The following OCIAD2 variants were observed in gnomAD, a reference collection of about 807,000 sequenced individuals.
The protein encoded by OCIAD2 is OCIA domain containing 2.
Under a neutral mutation model 22.9 loss-of-function variants are expected in OCIAD2, and 29 were observed. That is an observed-to-expected ratio of 1.27 (90% CI 0.94 to 1.73). The LOEUF (loss-of-function observed/expected upper bound fraction) is 1.73, where lower values mean the gene tolerates loss of function less well. Ranked by LOEUF, OCIAD2 falls within the 40% of genes most tolerant of loss-of-function variation. The pLI, the probability that OCIAD2 is intolerant of heterozygous loss-of-function variation, is 0.00. For synonymous variants in OCIAD2, 67 were observed against 60.2 expected, an observed-to-expected ratio of 1.11 and a Z score of -0.52; for missense variants, 189 against 180.3, an observed-to-expected ratio of 1.05 and a Z score of -0.28.
chr4:48,892,670 T>A (rs553067582), intron 6 of OCIAD2, 102 bp downstream of exon 6: 7 of 592,066 alleles, frequency 1.2e-5, no homozygotes, highest in African/African-American at 1.2e-4. Context: ...TTTTTTTACA[T>A]GTGAATTTAA....
At chr4:48,904,179 T>C (rs1278779525) in intron 2 of OCIAD2, among the ~76,000 whole-genome samples, 1 of 151,722 alleles carries the variant, frequency 6.6e-6, no homozygotes, top group East Asian at 2.0e-4. Context: ...TGACCAGGCA[T>C]GGTGGCTCAC....
Position 48,885,528 on chromosome 4 carries a change from GC to G in OCIAD2, c.420del (p.Lys140AsnfsTer4), listed in dbSNP as rs1282868340. 6.2e-7 allele frequency: 1 copy of G among 1,610,958 alleles called. No homozygotes were observed. The highest frequency in any genetic ancestry group is 8.5e-7 in the Non-Finnish European group (1 of 1,177,094). ...CLLTCEECKI[K>X]HGLSEKGDSQ... ...GAGTCTCCCTTCTCACTTAATCCAT[GC>G]TTTATTTTGCATTCCTCACAGGTAA... On this transcript the variant is annotated frameshift_variant, in exon 7 of 7. Transcript: ENST00000508632. LOFTEE classifies it high-confidence loss of function.
rs1780947706 is a variant in OCIAD2 at position 48,885,250 on chromosome 4, A to G, written c.*234T>C. 4.8e-6 allele frequency: 2 copies of G among 419,736 alleles called. No homozygotes were observed. The highest frequency in any genetic ancestry group is 8.5e-6 in the Non-Finnish European group (2 of 234,560). 26.0% of individuals were successfully genotyped at this position (419,736 alleles called of 1,614,324 possible). On this transcript the variant is annotated 3_prime_UTR_variant, in exon 7 of 7. Transcript: ENST00000508632. ...ATGATCTGCCTGCCTCGGCCTCCCA[A>G]AGTACTGGGATTACAGGCATGAGCC...
At chr4:48,899,234 A>T (rs1781365293) in intron 3 of OCIAD2, among the ~76,000 whole-genome samples, 1 of 152,118 alleles carries the variant, frequency 6.6e-6, no homozygotes, top group Admixed American at 6.6e-5. Context: ...TATATCACAC[A>T]TTTTTTTAAT....
Position 48,885,320 on chromosome 4 carries a change from T to A in OCIAD2, c.*164A>T, listed in dbSNP as rs1579143853. 2 of 490,708 alleles carry A rather than the reference T, an allele frequency of 4.1e-6. No homozygotes were observed. The highest frequency in any genetic ancestry group is 3.6e-5 in the East Asian group (1 of 28,148). 30.4% of individuals were successfully genotyped at this position (490,708 alleles called of 1,614,324 possible). ...TGTTCTTAAAGAGCAGAAAAACATG[T>A]AACGCTTAGTTCACTTGAAAGCCTT... On this transcript the variant is annotated 3_prime_UTR_variant, in exon 7 of 7. Transcript: ENST00000508632.
chr4:48,888,836 A>G (rs1283799473), intron 6 of OCIAD2, among the ~76,000 whole-genome samples: 2 of 152,132 alleles, frequency 1.3e-5, no homozygotes, highest in Non-Finnish European at 2.9e-5. Context: ...TGGTATCAAG[A>G]TGATGTTGGC....
intron 6 of OCIAD2, among the ~76,000 whole-genome samples, chr4:48,891,510 C>G (rs143572277): frequency 6.6e-6 from 1 of 152,330 alleles, no homozygotes; most frequent in East Asian, 1.9e-4. Flanking sequence ...CTAGTTACTT[C>G]AGTCACCTCC....
intron 6 of OCIAD2, among the ~76,000 whole-genome samples, chr4:48,888,097 G>A (rs1781044398): frequency 1.3e-5 from 2 of 152,178 alleles, no homozygotes. Context: ...TTTCTTTGAA[G>A]CAATTGTGAT....
At chr4:48,901,678 G>C (rs538353188) in intron 2 of OCIAD2, among the ~76,000 whole-genome samples, 1 of 152,066 alleles carries the variant, frequency 6.6e-6, no homozygotes, top group African/African-American at 2.4e-5. Flanking sequence ...GTAATCTTTT[G>C]TTATATATTG....
chr4:48,901,830 A>G (rs1781424811), intron 2 of OCIAD2, among the ~76,000 whole-genome samples: 1 of 151,962 alleles, frequency 6.6e-6, no homozygotes, highest in African/African-American at 2.4e-5. Context: ...GCAGCCTCGA[A>G]CTCCTGGGCT....
chr4:48,905,741 G>T (rs778462064), intron 1 of OCIAD2, among the ~76,000 whole-genome samples: 1 of 152,168 alleles, frequency 6.6e-6, no homozygotes, highest in Non-Finnish European at 1.5e-5. Flanking sequence ...ACCCGTACTC[G>T]CACCAAGTTT....
In OCIAD2 at chr4:48,902,546, A is replaced by C. The variant is rs73817713; in HGVS notation, c.66+1938T>G. ...CTCTCAGTCTCCACTTACCTTCCTT[A>C]CTTAGCACAGGCATGCCTCCAGATG... is the stretch of plus-strand genomic sequence containing the variant. On this transcript the variant is annotated intron_variant, in intron 2 of 6. Transcript: ENST00000508632. Among the ~76,000 whole-genome samples the C allele has an allele frequency of 3.1e-3, 476 of 152,270 alleles. 1 individual carries two copies. Among genetic ancestry groups the C allele is most frequent in the African/African-American group, 0.011 (446 of 41,542 alleles).
At chr4:48,905,520 A>G (rs1781506100) in intron 1 of OCIAD2, among the ~76,000 whole-genome samples, 1 of 152,108 alleles carries the variant, frequency 6.6e-6, no homozygotes, top group African/African-American at 2.4e-5. Flanking sequence ...CATCAACACC[A>G]TCACATGGCT....
At chr4:48,904,348 G>A (rs1781481838) in intron 2 of OCIAD2, 136 bp downstream of exon 2, 1 of 791,370 alleles carries the variant, frequency 1.3e-6, no homozygotes, top group Non-Finnish European at 2.2e-6. Context: ...TAAGTGAGAA[G>A]CTCAAGTAGG....
At chr4:48,899,230 A>G (rs1217265829) in intron 3 of OCIAD2, among the ~76,000 whole-genome samples, 2 of 152,276 alleles carry the variant, frequency 1.3e-5, no homozygotes, top group East Asian at 3.9e-4. Context: ...ATGCTATATC[A>G]CACATTTTTT....
chr4:48,906,032 C>A (rs1044880544), intron 1 of OCIAD2, among the ~76,000 whole-genome samples: 1 of 152,168 alleles, frequency 6.6e-6, no homozygotes, highest in Non-Finnish European at 1.5e-5. Context: ...CTGAGCACTC[C>A]CAGGAAGTCT....
chr4:48,893,585 G>C (rs1781229815), intron 5 of OCIAD2: 1 of 153,256 alleles, frequency 6.5e-6, no homozygotes, highest in Non-Finnish European at 1.5e-5. Context: ...ATCCATAAAT[G>C]ATCTATCATG....
In OCIAD2 at chr4:48,897,876, C is replaced by T. The variant is rs1781335285; in HGVS notation, c.164-19G>A. 2 of 1,601,878 alleles carry T rather than the reference C, an allele frequency of 1.2e-6. No individual in the cohort carries two copies. The highest frequency in any genetic ancestry group is 1.7e-6 in the Non-Finnish European group (2 of 1,170,176). On this transcript the variant is annotated intron_variant, in intron 3 of 6. Coordinates refer to ENST00000508632, the MANE Select transcript of OCIAD2 (RefSeq NM_001014446.3). ...GGCAGAGCTGTAAAGCAAAAATGTC[C>T]TTCAATATTGGTATTTTAAAAATTG...
chr4:48,896,584 A>T (rs1159387532), intron 4 of OCIAD2, among the ~76,000 whole-genome samples: 2 of 152,064 alleles, frequency 1.3e-5, no homozygotes, highest in Non-Finnish European at 2.9e-5. Flanking sequence ...CTGTCTCAAA[A>T]ACAAACAAAC....
Sources: allele counts gnomAD v4.1 joint callset (sites outside exome capture counted in the v4.1 genomes callset), GRCh38; gene constraint gnomAD v4.1.1; transcripts MANE v1.5; gene names NCBI Gene and HGNC (gene_info 2026-07-23, HGNC 2026-07-21).